The following IGSF21 variants were observed in gnomAD, a reference collection of about 807,000 sequenced individuals.
The protein encoded by IGSF21 is immunoglobin superfamily member 21.
IGSF21 carries 28 observed loss-of-function variants against 46.8 expected under a neutral mutation model. That is an observed-to-expected ratio of 0.60 (90% CI 0.44 to 0.82). IGSF21 has a LOEUF of 0.82. IGSF21 is among the 40% of genes least tolerant of loss of function. The probability of loss-of-function intolerance (pLI) is 0.00; values close to 1 mark genes in which losing one functional copy is unlikely to be tolerated. For synonymous variants in IGSF21, 284 were observed against 273.6 expected, an observed-to-expected ratio of 1.04 and a Z score of -0.38; for missense variants, 624 against 665.5, an observed-to-expected ratio of 0.94 and a Z score of 0.69.
intron 3 of IGSF21, among the ~76,000 whole-genome samples, chr1:18,304,912 G>A (rs1479392705): frequency 6.6e-6 from 1 of 152,160 alleles, no homozygotes; most frequent in Non-Finnish European, 1.5e-5. Flanking sequence ...TTGTTGCCGT[G>A]GTATTTCTTC....
intron 3 of IGSF21, among the ~76,000 whole-genome samples, chr1:18,328,886 C>T (rs919546421): frequency 6.6e-6 from 1 of 152,152 alleles, no homozygotes; most frequent in Non-Finnish European, 1.5e-5. Flanking sequence ...GCTGTAAACT[C>T]GTGTGGGGCG....
intron 1 of IGSF21, among the ~76,000 whole-genome samples, chr1:18,166,563 G>A (rs969160663): frequency 2.6e-5 from 4 of 152,206 alleles, no homozygotes; most frequent in East Asian, 1.9e-4. Context: ...TCTAGAACGC[G>A]TAGCTCCGTG....
At chr1:18,138,388 G>T (rs1030521012) in intron 1 of IGSF21, among the ~76,000 whole-genome samples, 1 of 152,132 alleles carries the variant, frequency 6.6e-6, no homozygotes, top group Non-Finnish European at 1.5e-5. Flanking sequence ...CTTCTTTGGG[G>T]TCTAGCACGG....
At chr1:18,251,752 A>G (rs906490359) in intron 2 of IGSF21, among the ~76,000 whole-genome samples, 5 of 152,106 alleles carry the variant, frequency 3.3e-5, no homozygotes, top group Non-Finnish European at 5.9e-5. Flanking sequence ...GGCTCTCCCA[A>G]TCTTCCTGAC....
chr1:18,359,383 A>AAAGAATGGAAGG (rs1557659626), intron 4 of IGSF21, among the ~76,000 whole-genome samples: 55 of 61,108 alleles, frequency 9.0e-4, no homozygotes, highest in African/African-American at 3.1e-3. Flanking sequence ...AGAAAGAAAG[A>AAAGAATGGAAGG]AAGGAAGGAA....
At chr1:18,341,937 A>G (rs72938742) in intron 4 of IGSF21, among the ~76,000 whole-genome samples, 2,176 of 152,262 alleles carry the variant, frequency 0.014, 50 homozygotes, top group African/African-American at 0.048. Context: ...GCCAGGAAAC[A>G]CAGCTTCCAC....
intron 6 of IGSF21, among the ~76,000 whole-genome samples, chr1:18,372,348 G>T (rs979611884): frequency 2.6e-5 from 4 of 152,304 alleles, no homozygotes; most frequent in Middle Eastern, 3.4e-3. Context: ...AACAGTGACC[G>T]GGAATAGTGA....
rs138950755 is a variant in IGSF21, at chr1:18,184,337, C to T, written c.71-43561C>T. Among the ~76,000 whole-genome samples the T allele has an allele frequency of 3.8e-3, 574 of 152,276 alleles. 1 individual carries two copies. Among genetic ancestry groups the T allele is most frequent in the Admixed American group, 8.5e-3 (130 of 15,304 alleles). On this transcript the variant is annotated intron_variant, in intron 1 of 9. Coordinates refer to ENST00000251296, the MANE Select transcript of IGSF21 (RefSeq NM_032880.5). ...TTTCTGCTGGGCCAAACCACCCTCC[C>T]TTCTCCCCCTCCCCAGGGCCTCCAC...
intron 1 of IGSF21, among the ~76,000 whole-genome samples, chr1:18,177,270 A>G (rs1436239279): frequency 6.6e-6 from 1 of 152,224 alleles, no homozygotes; most frequent in Non-Finnish European, 1.5e-5. Context: ...CTCAGACAAC[A>G]GGGCAGGTGG....
At chr1:18,240,699 C>T (rs910809943) in intron 2 of IGSF21, among the ~76,000 whole-genome samples, 1 of 152,184 alleles carries the variant, frequency 6.6e-6, no homozygotes, top group Admixed American at 6.5e-5. Context: ...ATAACTTTCC[C>T]ACAGTTGGAG....
Position 18,149,121 on chromosome 1 carries a change from C to A in IGSF21, c.70+40923C>A, listed in dbSNP as rs565472935. Among the ~76,000 whole-genome samples the A allele has an allele frequency of 1.7e-3, 265 of 152,306 alleles. 1 individual carries two copies. The highest frequency in any genetic ancestry group is 6.8e-3 in the Middle Eastern group (2 of 294). On this transcript the variant is annotated intron_variant, in intron 1 of 9. Transcript: ENST00000251296. ...ACTCCTGCGGCCCACCTTGCCTGGA[C>A]AACAGCTGGGACAGGCGTGTCACTG...
intron 1 of IGSF21, among the ~76,000 whole-genome samples, chr1:18,224,505 G>A (rs1443079220): frequency 6.6e-6 from 1 of 151,998 alleles, no homozygotes; most frequent in Non-Finnish European, 1.5e-5. Context: ...TATCACCACT[G>A]GACATATTTT....
chr1:18,238,698 G>A (rs2084696195), intron 2 of IGSF21, among the ~76,000 whole-genome samples: 1 of 152,116 alleles, frequency 6.6e-6, no homozygotes, highest in Admixed American at 6.5e-5. Context: ...GAGTCCACCA[G>A]TGATGGGCTC....
chr1:18,250,084 CCACT>C (rs2084824034), intron 2 of IGSF21, among the ~76,000 whole-genome samples: 5 of 64,086 alleles, frequency 7.8e-5, no homozygotes, highest in African/African-American at 3.5e-4. Flanking sequence ...CTTCCATCCC[CCACT>C]CCCTCCCTCG....
intron 1 of IGSF21, chr1:18,179,461 T>G (rs2086835747): frequency 6.6e-6 from 1 of 152,254 alleles, no homozygotes; most frequent in South Asian, 2.1e-4. Flanking sequence ...ATGTTTATTT[T>G]ATGACCACAT....
chr1:18,343,968 G>T (rs538881866), intron 4 of IGSF21, among the ~76,000 whole-genome samples: 4 of 152,174 alleles, frequency 2.6e-5, no homozygotes, highest in Admixed American at 1.3e-4. Context: ...ACTGGTGAGG[G>T]TTCCCAGAGG....
intron 1 of IGSF21, among the ~76,000 whole-genome samples, 191 bp from the exon 2 acceptor site, chr1:18,227,707 G>A (rs2084582714): frequency 6.6e-6 from 1 of 151,886 alleles, no homozygotes; most frequent in Admixed American, 6.6e-5. Context: ...GAAGAAGAGG[G>A]TGATTGGCTC....
At chr1:18,327,260 A>G (rs934099221) in intron 3 of IGSF21, among the ~76,000 whole-genome samples, 1 of 152,200 alleles carries the variant, frequency 6.6e-6, no homozygotes, top group Non-Finnish European at 1.5e-5. Context: ...AGCTGCTTCT[A>G]GAAGAAGGCA....
chr1:18,294,289 A>G (rs1468723083), intron 3 of IGSF21, among the ~76,000 whole-genome samples: 1 of 152,180 alleles, frequency 6.6e-6, no homozygotes, highest in East Asian at 1.9e-4. Flanking sequence ...CCGGCCTCTA[A>G]GTGGTACATG....
Sources: allele counts gnomAD v4.1 joint callset (sites outside exome capture counted in the v4.1 genomes callset), GRCh38; gene constraint gnomAD v4.1.1; transcripts MANE v1.5; gene names NCBI Gene and HGNC (gene_info 2026-07-23, HGNC 2026-07-21).